Variants in EBF1 observed in about 807,000 individuals in gnomAD.
The protein encoded by EBF1 is EBF transcription factor 1, also known as transcription factor COE1.
EBF1 carries 10 observed loss-of-function variants against 68.4 expected under a neutral mutation model. That is an observed-to-expected ratio of 0.15 (90% confidence interval 0.09 to 0.25). EBF1 has a LOEUF of 0.25. Ranked by LOEUF, EBF1 falls within the 10% of genes least tolerant of loss-of-function variation. The probability of loss-of-function intolerance (pLI) is 1.00; values close to 1 mark genes in which losing one functional copy is unlikely to be tolerated. For missense variants in EBF1, 509 were observed against 794.4 expected (o/e 0.64, Z 4.32); for synonymous variants, 298 against 299.8 (o/e 0.99, Z 0.06).
chr5:158,919,135 A>G (rs1046793082), intron 6 of EBF1, among the ~76,000 whole-genome samples: 1 of 151,986 alleles, frequency 6.6e-6, no homozygotes, highest in Non-Finnish European at 1.5e-5. Flanking sequence ...ATGTGCAGAC[A>G]CTCTCCAGTG....
At chr5:159,099,277 TGCCG>T in intron 1 of EBF1, 64 bp downstream of exon 1, 1 of 771,770 alleles carries the variant, frequency 1.3e-6, no homozygotes, top group Admixed American at 4.6e-5. Flanking sequence ...CCGCTGCCGC[TGCCG>T]CCTCCGCCTC....
chr5:158,828,665 T>C (rs940648111), intron 7 of EBF1, among the ~76,000 whole-genome samples: 3 of 152,198 alleles, frequency 2.0e-5, no homozygotes, highest in African/African-American at 7.2e-5. Context: ...CTTTGCAAAA[T>C]GTTACTGAGG....
intron 6 of EBF1, among the ~76,000 whole-genome samples, chr5:158,868,862 A>G (rs758308268): frequency 1.3e-5 from 2 of 152,234 alleles, no homozygotes; most frequent in Admixed American, 1.3e-4. Flanking sequence ...AACATGGTTG[A>G]TGTTGAAAGC....
chr5:158,829,328 ACCACACT>A, intron 7 of EBF1, among the ~76,000 whole-genome samples: 1 of 147,416 alleles, frequency 6.8e-6, no homozygotes, highest in South Asian at 2.1e-4. Context: ...GGCATGCACC[ACCACACT>A]CAGCCTTTTT....
At chr5:159,074,263 C>G (rs1189549208) in intron 5 of EBF1, among the ~76,000 whole-genome samples, 1 of 152,238 alleles carries the variant, frequency 6.6e-6, no homozygotes, top group African/African-American at 2.4e-5. Flanking sequence ...GTTGTGGCTG[C>G]CAGTTTTTTA....
chr5:158,724,190 A>T (rs1762504597), intron 11 of EBF1, among the ~76,000 whole-genome samples: 1 of 152,140 alleles, frequency 6.6e-6, no homozygotes, highest in Admixed American at 6.5e-5. Flanking sequence ...AAACTCAGGC[A>T]TGTTTTTTCT....
chr5:158,889,294 G>C (rs999967181), intron 6 of EBF1, among the ~76,000 whole-genome samples: 1 of 152,124 alleles, frequency 6.6e-6, no homozygotes, highest in Non-Finnish European at 1.5e-5. Flanking sequence ...CTTGCAAGTG[G>C]GATATGGCAA....
At chr5:158,744,383 C>T (rs149511015) in intron 10 of EBF1, among the ~76,000 whole-genome samples, 13 of 151,904 alleles carry the variant, frequency 8.6e-5, no homozygotes, top group Middle Eastern at 3.4e-3. Context: ...ATCACCGAAA[C>T]GAGGAACTCA....
At chr5:158,760,785 A>C (rs1364260101) in intron 10 of EBF1, among the ~76,000 whole-genome samples, 2 of 152,130 alleles carry the variant, frequency 1.3e-5, no homozygotes, top group Admixed American at 1.3e-4. Context: ...CTTATTATAG[A>C]TGAGTTGTGT....
rs369352234 is a variant in EBF1, at chr5:158,993,836, A to C, written c.554+79560T>G. ...AAACTTCATCTCAGATCATGGTCAGACCTAAAGGATTAAACAGACTGATGG... is the reference window on the plus strand; with the variant it reads ...AAACTTCATCTCAGATCATGGTCAGCCCTAAAGGATTAAACAGACTGATGG... On this transcript the variant is annotated intron_variant, in intron 6 of 15. Coordinates refer to ENST00000313708, the MANE Select transcript of EBF1 (RefSeq NM_024007.5). 2.0e-5 allele frequency among the ~76,000 whole-genome samples: 3 copies of C among 152,328 alleles called. No homozygotes were observed. In the East Asian group the frequency reaches 5.8e-4, roughly 29 times the overall value.
At chr5:158,941,900 G>A (rs773676876) in intron 6 of EBF1, among the ~76,000 whole-genome samples, 12 of 152,166 alleles carry the variant, frequency 7.9e-5, no homozygotes, top group Non-Finnish European at 1.3e-4. Context: ...GAAGTGATTC[G>A]TCGGATGGGA....
rs1406523445 is a variant in EBF1, at chr5:159,069,744, C to T, written c.554+3652G>A. Among the ~76,000 whole-genome samples the T allele has an allele frequency of 2.6e-5, 4 of 152,060 alleles. 1 individual carries two copies. Among genetic ancestry groups the T allele is most frequent in the Non-Finnish European group, 4.4e-5 (3 of 67,994 alleles). The stretch of plus-strand genomic sequence containing the variant: ...TTACAAAGTAAACCTAATTAAGAAC[C>T]TCCCTCATTAGTCTTCCAGAAAAAT... On this transcript the variant is annotated intron_variant, in intron 6 of 15. Coordinates refer to ENST00000313708, the MANE Select transcript of EBF1 (RefSeq NM_024007.5).
intron 10 of EBF1, among the ~76,000 whole-genome samples, chr5:158,743,867 G>T (rs560115883): frequency 6.6e-6 from 1 of 152,190 alleles, no homozygotes; most frequent in South Asian, 2.1e-4. Context: ...GTAGACAGTC[G>T]AGAATAAAGA....
At chr5:158,905,974 G>A (rs1804495807) in intron 6 of EBF1, among the ~76,000 whole-genome samples, 1 of 152,136 alleles carries the variant, frequency 6.6e-6, no homozygotes, top group African/African-American at 2.4e-5. Context: ...TCGTTAACAG[G>A]AGTTATTTAT....
chr5:158,775,558 A>C (rs1249849093), intron 10 of EBF1, among the ~76,000 whole-genome samples: 1 of 152,158 alleles, frequency 6.6e-6, no homozygotes, highest in East Asian at 1.9e-4. Flanking sequence ...TTTTCGGCCA[A>C]AAACAGAGTC....
At chr5:158,850,779 T>A (rs557106210) in intron 6 of EBF1, among the ~76,000 whole-genome samples, 23 of 152,190 alleles carry the variant, frequency 1.5e-4, no homozygotes, top group African/African-American at 5.5e-4. Flanking sequence ...GGCCGAGGCG[T>A]GTGGATTGCT....
chr5:158,899,424 A>G (rs897289174), intron 6 of EBF1, among the ~76,000 whole-genome samples: 18 of 152,226 alleles, frequency 1.2e-4, no homozygotes, highest in African/African-American at 3.6e-4. Context: ...GGAAGCAGTA[A>G]TCTCATCTGG....
chr5:158,969,896 G>GAAAGA (rs1554093846), intron 6 of EBF1, among the ~76,000 whole-genome samples: 4 of 99,970 alleles, frequency 4.0e-5, no homozygotes, highest in Admixed American at 1.1e-4. Flanking sequence ...AAGAAAGAAA[G>GAAAGA]AAAGAAAGAA....
At chr5:158,966,884 A>T (rs989168128) in intron 6 of EBF1, among the ~76,000 whole-genome samples, 1 of 152,256 alleles carries the variant, frequency 6.6e-6, no homozygotes, top group Non-Finnish European at 1.5e-5. Context: ...AGCTGCCAAG[A>T]AATCTCCAAA....
Sources: gnomAD v4.1 joint callset for allele counts (sites outside exome capture counted in the v4.1 genomes callset) on GRCh38, gnomAD v4.1.1 for gene constraint, MANE v1.5 for transcripts, NCBI Gene and HGNC (gene_info 2026-07-23, HGNC 2026-07-21) for gene names.